MSTO1: variants seen among roughly 807,000 people sequenced by gnomAD.
The protein encoded by MSTO1 is protein misato homolog 1.
MSTO1 carries 24 observed loss-of-function variants against 55.7 expected under a neutral mutation model. The observed-to-expected ratio is 0.43, with a 90% confidence interval of 0.31 to 0.61. The LOEUF (loss-of-function observed/expected upper bound fraction) is 0.61. Ranked by LOEUF, MSTO1 falls within the 20% of genes least tolerant of loss-of-function variation. The probability of loss-of-function intolerance (pLI) is 0.09; values close to 1 mark genes in which losing one functional copy is unlikely to be tolerated. For missense variants in MSTO1, 363 were observed against 625.7 expected, an observed-to-expected ratio of 0.58 and a Z score of 4.48; for synonymous variants, 162 against 252.8, an observed-to-expected ratio of 0.64 and a Z score of 3.41.
chr1:155,610,275 C>T lies in MSTO1; in HGVS notation c.27C>T (p.Leu9=). 2.2e-6 allele frequency: 2 copies of T among 922,136 alleles called. No individual in the cohort carries two copies. Among genetic ancestry groups the T allele is most frequent in the Non-Finnish European group, 1.6e-6 (1 of 612,674 alleles). The allele number at this position is 922,136 out of a possible 1,614,324, so 57.1% of individuals were successfully genotyped here. ...TGGCGGGCGGGGCCCGGGAGGTGCT[C>T]ACACTGCAGTTGGGACATTTTGCCG... The part of the protein sequence containing the change: MAGGAREV[L]TLQLGHFAGF... Residue 9 remains leucine (L), a synonymous_variant, in exon 1 of 14, where the codon CTC becomes CTT. Transcript: ENST00000245564.
At chr1:155,566,229 C>T in the MSTO1 span, 4 of 152,312 alleles carry the variant, frequency 2.6e-5, no homozygotes, top group African/African-American at 9.6e-5. Flanking sequence ...TGAGATCACA[C>T]GTTAATATTT....
chr1:155,602,557 A>G, the MSTO1 span, among the ~76,000 whole-genome samples: 1 of 152,328 alleles, frequency 6.6e-6, no homozygotes, highest in East Asian at 1.9e-4. Context: ...CCAGAATTTG[A>G]GTGCTAGGTA....
the MSTO1 span, among the ~76,000 whole-genome samples, chr1:155,569,434 CTTT>C: frequency 5.6e-5 from 5 of 89,774 alleles, no homozygotes; most frequent in East Asian, 3.4e-4. Context: ...TGCGCCCGGT[CTTT>C]TTTTTTTTTT....
chr1:155,612,605 G>A (rs751867036), intron 9 of MSTO1, 35 bp downstream of exon 9: 3 of 1,581,848 alleles, frequency 1.9e-6, no homozygotes, highest in Non-Finnish European at 2.6e-6. Flanking sequence ...ACTGCGGCAG[G>A]CTACAGGGCC....
At chr1:155,573,664 C>A in the MSTO1 span, among the ~76,000 whole-genome samples, 1 of 151,698 alleles carries the variant, frequency 6.6e-6, no homozygotes, top group Non-Finnish European at 1.5e-5. Flanking sequence ...ATGGTGAAAC[C>A]CTGACTCTAC....
chr1:155,605,034 G>T, the MSTO1 span, among the ~76,000 whole-genome samples: 2 of 152,218 alleles, frequency 1.3e-5, no homozygotes, highest in Non-Finnish European at 2.9e-5. Flanking sequence ...GCTGAGGCAG[G>T]CGGATCACCT....
At chr1:155,568,519 A>G in the MSTO1 span, among the ~76,000 whole-genome samples, 7 of 151,862 alleles carry the variant, frequency 4.6e-5, no homozygotes, top group South Asian at 2.1e-4. Flanking sequence ...GCTCACTGCA[A>G]CTTCCGCCTC....
intron 11 of MSTO1, 56 bp downstream of exon 11, chr1:155,613,289 T>G (rs1674724965): frequency 2.3e-5 from 36 of 1,589,228 alleles, no homozygotes; most frequent in Non-Finnish European, 3.0e-5. Flanking sequence ...ATATCCATCT[T>G]CCCCTAATTT....
At chr1:155,605,095 T>A in the MSTO1 span, among the ~76,000 whole-genome samples, 1 of 152,006 alleles carries the variant, frequency 6.6e-6, no homozygotes, top group Admixed American at 6.6e-5. Flanking sequence ...ACCCCATCTC[T>A]ACTGAATATA....
the MSTO1 span, chr1:155,601,954 CTG>C: frequency 1.5e-5 from 4 of 269,694 alleles, no homozygotes; most frequent in African/African-American, 9.2e-5. Context: ...CGGGGTTTCA[CTG>C]TGTTAGCCAG....
At chr1:155,609,764 C>T (rs1231319980), upstream of MSTO1, 1 of 171,786 alleles carries the variant, frequency 5.8e-6, no homozygotes, top group Non-Finnish European at 1.2e-5. Context: ...CTAAGCCAGT[C>T]CACAGGTTAT....
At chr1:155,611,882 G>T in intron 6 of MSTO1, 55 bp downstream of exon 6, 1 of 699,984 alleles carries the variant, frequency 1.4e-6, no homozygotes, top group Middle Eastern at 3.9e-4. Context: ...ACCAATGCAG[G>T]ATGAGGCTCT....
chr1:155,594,704 T>C, the MSTO1 span, among the ~76,000 whole-genome samples: 1 of 152,052 alleles, frequency 6.6e-6, no homozygotes, highest in Non-Finnish European at 1.5e-5. Context: ...CTTCCACTTT[T>C]GCTCCCAAGT....
At chr1:155,584,556 A>T in the MSTO1 span, among the ~76,000 whole-genome samples, 1 of 149,868 alleles carries the variant, frequency 6.7e-6, no homozygotes, top group Non-Finnish European at 1.5e-5. Context: ...GTATGGTCCC[A>T]GCTGCTTGGA....
At chr1:155,599,665 C>T in the MSTO1 span, among the ~76,000 whole-genome samples, 3 of 152,144 alleles carry the variant, frequency 2.0e-5, no homozygotes, top group Non-Finnish European at 4.4e-5. Flanking sequence ...AACCAGCGTT[C>T]AGCATATGGA....
the MSTO1 span, among the ~76,000 whole-genome samples, chr1:155,582,614 A>C: frequency 6.6e-6 from 1 of 151,806 alleles, no homozygotes; most frequent in African/African-American, 2.4e-5. Flanking sequence ...TGCCCACAAC[A>C]ACACCCAGCT....
chr1:155,586,204 CTT>C, the MSTO1 span, among the ~76,000 whole-genome samples: 3 of 127,070 alleles, frequency 2.4e-5, no homozygotes, highest in African/African-American at 8.6e-5. Context: ...CTCTCTCTGT[CTT>C]TTTTTTTTTT....
chr1:155,567,457 G>A, the MSTO1 span, among the ~76,000 whole-genome samples: 2 of 151,668 alleles, frequency 1.3e-5, no homozygotes, highest in African/African-American at 2.4e-5. Flanking sequence ...GACTACAGGC[G>A]CCCGCCACTG....
At chr1:155,588,578 G>A in the MSTO1 span, among the ~76,000 whole-genome samples, 1 of 152,304 alleles carries the variant, frequency 6.6e-6, no homozygotes, top group East Asian at 1.9e-4. Flanking sequence ...AAGCCCGCAC[G>A]AGATGCCAGG....
Sources: allele counts gnomAD v4.1 joint callset (sites outside exome capture counted in the v4.1 genomes callset), GRCh38; gene constraint gnomAD v4.1.1; transcripts MANE v1.5; gene names NCBI Gene and HGNC (gene_info 2026-07-23, HGNC 2026-07-21).